Variants in CDC42EP4 observed in about 807,000 individuals in gnomAD.
CDC42EP4 encodes the protein CDC42 effector protein 4.
A neutral mutation model predicts 5.6 loss-of-function variants in CDC42EP4; 6 were observed. The ratio of observed to expected loss-of-function variants is 1.07; its 90% CI spans 0.59 to 2.12. The LOEUF (loss-of-function observed/expected upper bound fraction) is 2.12. Among genes scored for constraint, CDC42EP4 ranks in the 30% most tolerant of loss-of-function variants. The pLI is 0.00. For synonymous variants in CDC42EP4, 230 were observed against 224.2 expected, an observed-to-expected ratio of 1.03 and a Z score of -0.23; for missense variants, 490 against 508.6, an observed-to-expected ratio of 0.96 and a Z score of 0.35.
chr17:73,299,092 G>A (rs1335541533), intron 1 of CDC42EP4, among the ~76,000 whole-genome samples: 1 of 151,872 alleles, frequency 6.6e-6, no homozygotes, highest in Non-Finnish European at 1.5e-5. Flanking sequence ...CAAGTAGCTG[G>A]GGCCACAGGT....
At chr17:73,306,472 C>G (rs1384900625) in intron 1 of CDC42EP4, among the ~76,000 whole-genome samples, 1 of 152,170 alleles carries the variant, frequency 6.6e-6, no homozygotes, top group Non-Finnish European at 1.5e-5. Context: ...TGCACTCCAG[C>G]CTGGCCAACA....
chr17:73,293,484 G>C (rs1181231291), intron 1 of CDC42EP4, among the ~76,000 whole-genome samples: 11 of 152,208 alleles, frequency 7.2e-5, no homozygotes, highest in African/African-American at 2.7e-4. Context: ...GGCAGCCTCT[G>C]GTCCTGGCCA....
rs948846707 is a variant in CDC42EP4, at chr17:73,285,290, C to T, written c.*140G>A. The T allele has an allele frequency of 3.9e-5, 26 of 667,702 alleles. No individual in the cohort carries two copies. The highest frequency in any genetic ancestry group is 5.0e-5 in the Non-Finnish European group (20 of 403,130). 41.4% of individuals were successfully genotyped at this position (667,702 alleles called of 1,614,324 possible). On this transcript the variant is annotated 3_prime_UTR_variant, in exon 2 of 2. Transcript: ENST00000335793. The surrounding 1 kb of genome is among the most constrained non-coding windows in gnomAD (Gnocchi z 6.8). The stretch of plus-strand genomic sequence containing the variant: ...GAAGACCCGAGGGCCAGGCCAGTGT[C>T]CCTCATCTACAAGGTCCAGGGTCCA...
At chr17:73,292,608 T>G (rs2062166717) in intron 1 of CDC42EP4, among the ~76,000 whole-genome samples, 1 of 151,470 alleles carries the variant, frequency 6.6e-6, no homozygotes, top group African/African-American at 2.4e-5. Flanking sequence ...GGTGTGGGAG[T>G]CAGGGGGTCT....
chr17:73,287,712 G>C (rs2062141413), intron 1 of CDC42EP4, among the ~76,000 whole-genome samples: 1 of 152,136 alleles, frequency 6.6e-6, no homozygotes, highest in South Asian at 2.1e-4. Context: ...CCAGGTACCT[G>C]CCTGCCTCCC....
In CDC42EP4 at chr17:73,286,620, CAG is replaced by C; in HGVS notation, c.-112-10_-112-9del. On this transcript the variant is annotated splice_polypyrimidine_tract_variant and intron_variant, in intron 1 of 1. Transcript: ENST00000335793. The surrounding 1 kb of genome is among the most constrained non-coding windows in gnomAD (Gnocchi z 7.7). Reference sequence around the variant, plus strand: ...AATGAGGAGATCATAAGGCTGCAAGCAGAGAATGAGAGGCAAAGGATTAACGC... The same window carrying C: ...AATGAGGAGATCATAAGGCTGCAAGCAGAATGAGAGGCAAAGGATTAACGC... 1 of 712,530 alleles carries C rather than the reference CAG, an allele frequency of 1.4e-6. No homozygotes were observed. Among genetic ancestry groups the C allele is most frequent in the Non-Finnish European group, 2.3e-6 (1 of 439,344 alleles). The allele number at this position is 712,530 out of a possible 1,614,324, so 44.1% of individuals were successfully genotyped here.
intron 1 of CDC42EP4, among the ~76,000 whole-genome samples, chr17:73,302,471 C>A (rs996244904): frequency 1.3e-5 from 2 of 152,074 alleles, no homozygotes; most frequent in Non-Finnish European, 2.9e-5. Flanking sequence ...GATTAAGGAG[C>A]TGAATTTTTA....
intron 1 of CDC42EP4, among the ~76,000 whole-genome samples, chr17:73,291,755 A>AGG (rs2062162419): frequency 3.9e-5 from 6 of 152,242 alleles, no homozygotes; most frequent in African/African-American, 1.4e-4. Flanking sequence ...AATGGATCAC[A>AGG]GCTCACAGCC....
chr17:73,305,904 T>C (rs563830543), intron 1 of CDC42EP4, among the ~76,000 whole-genome samples: 26 of 152,286 alleles, frequency 1.7e-4, no homozygotes, highest in African/African-American at 6.0e-4. Context: ...GATTATCTGA[T>C]GCAGGGGGAA....
intron 1 of CDC42EP4, among the ~76,000 whole-genome samples, chr17:73,294,073 G>C (rs74565805): frequency 6.6e-6 from 1 of 152,024 alleles, no homozygotes; most frequent in African/African-American, 2.4e-5. Context: ...ACACAAGGCC[G>C]GGCGTGGTGG....
chr17:73,286,174 C>G lies in CDC42EP4; in HGVS notation c.327G>C (p.Ser109=). Residue 109 remains serine, a synonymous_variant, in exon 2 of 2, where the codon TCG becomes TCC. Transcript: ENST00000335793. This position sits in a 1 kb window ranked among gnomAD's most constrained non-coding sequence, Gnocchi z 7.7. ...ACATGGCATTCTTGACAAACAGGGC[C>G]GAGTCCCGCAGGGAGCCCAGCATGT... is the stretch of plus-strand genomic sequence containing the variant. ...QRDMLGSLRD[S]ALFVKNAMSL... is the part of the protein sequence containing the mutation. The G allele has an allele frequency of 6.2e-7, 1 of 1,614,070 alleles. No homozygotes were observed. Among genetic ancestry groups the G allele is most frequent in the Non-Finnish European group, 8.5e-7 (1 of 1,180,032 alleles).
At chr17:73,306,389 C>G (rs1247082416) in intron 1 of CDC42EP4, among the ~76,000 whole-genome samples, 1 of 151,828 alleles carries the variant, frequency 6.6e-6, no homozygotes, top group African/African-American at 2.4e-5. Context: ...ATAGTCTCAG[C>G]TACTCAAGGC....
chr17:73,286,777 G>A lies in CDC42EP4; in HGVS notation c.-112-165C>T. On this transcript the variant is annotated intron_variant, in intron 1 of 1. Transcript: ENST00000335793. This position sits in a 1 kb window ranked among gnomAD's most constrained non-coding sequence, Gnocchi z 7.7. ...TATAACCCTGCCTGTTTCTTCATCC[G>A]CAGGCATTCAGAGTAGAGGAGTGAT... The A allele has an allele frequency of 2.3e-6, 1 of 425,954 alleles. No individual in the cohort carries two copies. Among genetic ancestry groups the A allele is most frequent in the South Asian group, 5.0e-5 (1 of 19,974 alleles). 26.4% of individuals were successfully genotyped at this position (425,954 alleles called of 1,614,324 possible).
intron 1 of CDC42EP4, among the ~76,000 whole-genome samples, chr17:73,298,721 C>A (rs1256248788): frequency 6.6e-6 from 1 of 152,198 alleles, no homozygotes; most frequent in Non-Finnish European, 1.5e-5. Context: ...GCTCAAGAGT[C>A]AGAGAAACAG....
In CDC42EP4 at chr17:73,294,672, T is replaced by C. The variant is rs371375073; in HGVS notation, c.-112-8060A>G. 7.9e-5 allele frequency among the ~76,000 whole-genome samples: 12 copies of C among 152,286 alleles called. 1 individual carries two copies. The highest frequency in any genetic ancestry group is 5.2e-4 in the Admixed American group (8 of 15,296). On this transcript the variant is annotated intron_variant, in intron 1 of 1. Transcript: ENST00000335793. ...ATATATGTGTATATATCTACACACA[T>C]ATATATTTTTATAGGTTATATTCAT...
intron 1 of CDC42EP4, among the ~76,000 whole-genome samples, chr17:73,294,591 A>C (rs1209136225): frequency 1.3e-5 from 2 of 152,196 alleles, no homozygotes; most frequent in Non-Finnish European, 2.9e-5. Flanking sequence ...GCAATGTACT[A>C]TCAAAAGTAG....
At chr17:73,296,495 G>A (rs2062186486) in intron 1 of CDC42EP4, among the ~76,000 whole-genome samples, 1 of 151,816 alleles carries the variant, frequency 6.6e-6, no homozygotes, top group Non-Finnish European at 1.5e-5. Context: ...TAAGAAAGCT[G>A]GGAGCCATTA....
In CDC42EP4 at chr17:73,302,569, T is replaced by C. The variant is rs542460200; in HGVS notation, c.-113+9324A>G. Among the ~76,000 whole-genome samples the C allele has an allele frequency of 2.0e-5, 3 of 152,154 alleles. No homozygotes were observed. In the South Asian group the frequency reaches 6.2e-4, roughly 32 times the overall value. ...ACAGCTCATTGTAGCCTCAACGTCCTAGGCTCAAGCAATCCTTCCACCTCA... is the reference window on the plus strand; with the variant it reads ...ACAGCTCATTGTAGCCTCAACGTCCCAGGCTCAAGCAATCCTTCCACCTCA... On this transcript the variant is annotated intron_variant, in intron 1 of 1. Transcript: ENST00000335793.
intron 1 of CDC42EP4, among the ~76,000 whole-genome samples, chr17:73,294,414 C>T (rs1400137915): frequency 6.6e-6 from 1 of 152,102 alleles, no homozygotes; most frequent in Non-Finnish European, 1.5e-5. Flanking sequence ...ATGTCACCAT[C>T]AGGACTCCTG....
Sources: allele counts gnomAD v4.1 joint callset (sites outside exome capture counted in the v4.1 genomes callset), GRCh38; gene constraint gnomAD v4.1.1; non-coding constraint Gnocchi (gnomAD v3.1); transcripts MANE v1.5; gene names NCBI Gene and HGNC (gene_info 2026-07-23, HGNC 2026-07-21).